Variants in VTI1A observed in about 807,000 individuals in gnomAD.
VTI1A encodes vesicle transport through interaction with t-SNAREs homolog 1A.
VTI1A carries 22 observed loss-of-function variants against 34.9 expected under a neutral mutation model. The ratio of observed to expected loss-of-function variants is 0.63; its 90% CI spans 0.45 to 0.90. The LOEUF is 0.90. Among genes scored for constraint, VTI1A ranks in the 40% least tolerant of loss-of-function variants. VTI1A has a pLI of 0.00. For synonymous variants in VTI1A, 87 were observed against 97.3 expected (o/e 0.89, Z 0.62); for missense variants, 268 against 275.6 (o/e 0.97, Z 0.20).
chr10:112,687,157 G>A (rs1848442389), intron 7 of VTI1A, among the ~76,000 whole-genome samples: 1 of 150,656 alleles, frequency 6.6e-6, no homozygotes, highest in Non-Finnish European at 1.5e-5. Context: ...CAGAGAGCCT[G>A]GATAGGCAAG....
intron 7 of VTI1A, among the ~76,000 whole-genome samples, chr10:112,690,145 A>AATTT (rs34499541): frequency 0.41 from 61,861 of 151,620 alleles, 15,141 homozygotes; most frequent in African/African-American, 0.7. Context: ...GGTATACTAC[A>AATTT]ATTTATCTAT....
At chr10:112,700,117 C>CAAAAAAAAAAAAAAAAAAAAAA (rs1201699870) in intron 7 of VTI1A, among the ~76,000 whole-genome samples, 2 of 40,434 alleles carry the variant, frequency 4.9e-5, no homozygotes, top group African/African-American at 6.8e-5. Context: ...GACTCCATCT[C>CAAAAAAAAAAAAAAAAAAAAAA]AAAAAAAAAA....
chr10:112,448,979 G>A (rs1847118012), intron 1 of VTI1A: 1 of 152,210 alleles, frequency 6.6e-6, no homozygotes, highest in South Asian at 2.1e-4. Flanking sequence ...TCTTAAAGAG[G>A]TTTATGAGTC....
intron 7 of VTI1A, among the ~76,000 whole-genome samples, chr10:112,809,659 T>C (rs940259605): frequency 6.6e-6 from 1 of 152,216 alleles, no homozygotes; most frequent in African/African-American, 2.4e-5. Context: ...AAGCAGTCCT[T>C]AGAAACCAGG....
chr10:112,734,236 TC>T (rs1240292944), intron 7 of VTI1A, among the ~76,000 whole-genome samples: 1 of 152,090 alleles, frequency 6.6e-6, no homozygotes, highest in Non-Finnish European at 1.5e-5. Flanking sequence ...AATCTGTTCC[TC>T]CTCTCCCTTC....
chr10:112,534,155 A>AT (rs1850542555), intron 4 of VTI1A, among the ~76,000 whole-genome samples: 1 of 151,958 alleles, frequency 6.6e-6, no homozygotes, highest in African/African-American at 2.4e-5. Context: ...GTGAGTTCTC[A>AT]TTTTTCTGAG....
At chr10:112,732,387 C>T (rs952848434) in intron 7 of VTI1A, among the ~76,000 whole-genome samples, 1 of 152,204 alleles carries the variant, frequency 6.6e-6, no homozygotes, top group African/African-American at 2.4e-5. Context: ...TTTGAGCACT[C>T]CTGAATAGTC....
chr10:112,480,935 A>G (rs1848441855), intron 3 of VTI1A, among the ~76,000 whole-genome samples: 1 of 152,156 alleles, frequency 6.6e-6, no homozygotes, highest in South Asian at 2.1e-4. Context: ...AGAGTTTAGG[A>G]AATACTGAGC....
intron 7 of VTI1A, among the ~76,000 whole-genome samples, chr10:112,795,819 T>A (rs1324499036): frequency 6.6e-6 from 1 of 152,162 alleles, no homozygotes. Context: ...AGTTTAGCAT[T>A]ATTTTAAATA....
intron 4 of VTI1A, among the ~76,000 whole-genome samples, chr10:112,531,722 A>G (rs980971371): frequency 6.6e-6 from 1 of 152,200 alleles, no homozygotes; most frequent in African/African-American, 2.4e-5. Context: ...TGGCCCTTTA[A>G]GTATCATAGT....
chr10:112,491,589 A>G (rs1199158130), intron 3 of VTI1A, among the ~76,000 whole-genome samples: 1 of 152,250 alleles, frequency 6.6e-6, no homozygotes, highest in African/African-American at 2.4e-5. Context: ...TGATTTTAGT[A>G]ATATATTTTC....
the VTI1A span, among the ~76,000 whole-genome samples, chr10:112,829,661 G>A: frequency 3.3e-5 from 5 of 152,012 alleles, no homozygotes; most frequent in Admixed American, 3.3e-4. Context: ...GGCTGAGGCA[G>A]GAGAACCGCT....
chr10:112,549,177 C>A (rs1851251079), intron 5 of VTI1A, among the ~76,000 whole-genome samples: 2 of 152,212 alleles, frequency 1.3e-5, no homozygotes, highest in Non-Finnish European at 2.9e-5. Context: ...TCCTTTCCCT[C>A]AGAGCTGTTA....
chr10:112,797,566 A>G (rs63456560), intron 7 of VTI1A, among the ~76,000 whole-genome samples: 7,484 of 148,670 alleles, frequency 0.05, 273 homozygotes, highest in Non-Finnish European at 0.082. Flanking sequence ...AAAAAAAAAA[A>G]TTAAGATACC....
At chr10:112,460,474 T>G in intron 1 of VTI1A, 50 bp from the exon 2 acceptor site, 1 of 1,523,914 alleles carries the variant, frequency 6.6e-7, no homozygotes, top group South Asian at 1.2e-5. Context: ...TTTAAAATAT[T>G]AAATTTATTT....
In VTI1A at chr10:112,731,442, GCAGGCACCTGTAATCCCAGCTACT is replaced by G. The variant is rs532069596; in HGVS notation, c.560+62449_560+62472del. On this transcript the variant is annotated intron_variant, in intron 7 of 7. Transcript: ENST00000393077. The stretch of plus-strand genomic sequence containing the variant: ...ACAAAAAAATTAGCCAGGCATGGTG[GCAGGCACCTGTAATCCCAGCTACT>G]CAGGAGGCTGAGGCAGGAGAATCGC... 8.5e-5 allele frequency among the ~76,000 whole-genome samples: 13 copies of G among 152,212 alleles called. No homozygotes were observed. The South Asian group carries it at 2.5e-3, about 29-fold the overall frequency.
chr10:112,599,891 T>C (rs1376262031), intron 5 of VTI1A, among the ~76,000 whole-genome samples: 2 of 152,186 alleles, frequency 1.3e-5, no homozygotes, highest in South Asian at 2.1e-4. Flanking sequence ...CTGGAGACTT[T>C]CTATGCTCAA....
chr10:112,780,310 A>G lies in VTI1A; in HGVS notation c.561-34980A>G, dbSNP rs991685470. 3.4e-5 allele frequency among the ~76,000 whole-genome samples: 3 copies of G among 87,392 alleles called. No individual in the cohort carries two copies. The Admixed American group carries it at 4.1e-4, about 12-fold the overall frequency. The allele number at this position is 87,392 out of a possible 152,430, so 57.3% of individuals were successfully genotyped here. A position where few individuals can be genotyped will look rare whatever the true frequency, so the allele number is the denominator to read the frequency against. On this transcript the variant is annotated intron_variant, in intron 7 of 7. Coordinates refer to ENST00000393077, the MANE Select transcript of VTI1A (RefSeq NM_145206.4). ...TAAATAAATAAATAAATAAATAAAT[A>G]AATAAATAAATAAAATAATAACCTA...
chr10:112,783,175 T>A (rs969580128), intron 7 of VTI1A, among the ~76,000 whole-genome samples: 1 of 152,322 alleles, frequency 6.6e-6, no homozygotes, highest in Admixed American at 6.5e-5. Context: ...CTGATGTAAT[T>A]AACACAGCAG....
Sources: gnomAD v4.1 joint callset for allele counts (sites outside exome capture counted in the v4.1 genomes callset) on GRCh38, gnomAD v4.1.1 for gene constraint, MANE v1.5 for transcripts, NCBI Gene and HGNC (gene_info 2026-07-23, HGNC 2026-07-21) for gene names.